RYR2: variants seen among roughly 807,000 people sequenced by gnomAD.
RYR2 encodes the protein ryanodine receptor 2.
A neutral mutation model predicts 601.1 loss-of-function variants in RYR2; 227 were observed. The ratio of observed to expected loss-of-function variants is 0.38; its 90% CI spans 0.34 to 0.42. The LOEUF (loss-of-function observed/expected upper bound fraction) is 0.42. RYR2 is among the 10% of genes least tolerant of loss of function. The pLI, the probability that RYR2 is intolerant of heterozygous loss-of-function variation, is 1.00. For missense variants in RYR2, 4,646 were observed against 6,156.5 expected (o/e 0.75, Z 8.21); for synonymous variants, 2,223 against 2,175.1 (o/e 1.02, Z -0.61).
intron 1 of RYR2, among the ~76,000 whole-genome samples, chr1:237,216,762 AAAAC>A (rs1256108727): frequency 1.3e-5 from 2 of 151,514 alleles, no homozygotes; most frequent in Admixed American, 1.3e-4. Context: ...CAAAAAAAAA[AAAAC>A]AAAAAACAAA....
At position 237,548,541 on chromosome 1, in the gene RYR2, T is replaced by C. The variant is rs903569432; in HGVS notation, c.3017T>C (p.Val1006Ala). ...VDKLAENAHNVWARDRIRQGW... is the reference protein window; with the variant it reads ...VDKLAENAHNAWARDRIRQGW... ...AAGTTGGCAGAAAATGCACATAATG[T>C]GTGGGCGCGGGATCGAATCCGGCAG... Residue 1006 changes from valine (V) to alanine (A), a missense_variant, in exon 26 of 105, where the codon GTG becomes GCG. This residue lies in a region of RYR2 where 1,807 missense variants were observed against 2,088.1 expected (regional missense o/e 0.87). Coordinates refer to ENST00000366574, the MANE Select transcript of RYR2 (RefSeq NM_001035.3). 5 of 1,613,888 alleles carry C rather than the reference T, an allele frequency of 3.1e-6. No homozygotes were observed. Among genetic ancestry groups the C allele is most frequent in the Non-Finnish European group, 4.2e-6 (5 of 1,179,864 alleles).
intron 97 of RYR2, 143 bp from the exon 98 acceptor site, chr1:237,801,713 C>A: frequency 2.0e-6 from 1 of 498,324 alleles, no homozygotes; most frequent in Non-Finnish European, 3.6e-6. Flanking sequence ...TCAGCTCCTC[C>A]CTTGGCATCT....
intron 12 of RYR2, among the ~76,000 whole-genome samples, chr1:237,436,322 CT>C (rs1707344953): frequency 6.6e-6 from 1 of 151,932 alleles, no homozygotes; most frequent in South Asian, 2.1e-4. Flanking sequence ...TGACCTTAAG[CT>C]TTGTGGCTAC....
In RYR2 at chr1:237,784,724, A is replaced by G. The variant is rs1695408864; in HGVS notation, c.13012A>G (p.Thr4338Ala). The G allele has an allele frequency of 6.2e-7, 1 of 1,604,726 alleles. No individual in the cohort carries two copies. The highest frequency in any genetic ancestry group is 1.3e-5 in the African/African-American group (1 of 74,414). Residue 4338 changes from threonine (T) to alanine (A), a missense_variant, in exon 90 of 105, where the codon ACT becomes GCT. Coordinates refer to ENST00000366574, the MANE Select transcript of RYR2 (RefSeq NM_001035.3). This position sits in a 1 kb window ranked among gnomAD's most constrained non-coding sequence, Gnocchi z 7.1. The stretch of plus-strand genomic sequence containing the variant: ...ACTGTTAGCCAACATGCCAGACCCC[A>G]CTCAGGATGAGGTTAGAGGAGATGG... The part of the protein sequence containing the change: ...AELLANMPDP[T>A]QDEVRGDGEE...
chr1:237,830,306 G>A (rs187384981), intron 102 of RYR2: 48 of 431,602 alleles, frequency 1.1e-4, no homozygotes, highest in Admixed American at 5.6e-4. Context: ...CCCTGTCTGC[G>A]TCTGCTACTT....
intron 58 of RYR2, among the ~76,000 whole-genome samples, chr1:237,669,164 T>C (rs3856244): frequency 0.027 from 2,999 of 109,742 alleles, 108 homozygotes; most frequent in Middle Eastern, 0.091. Flanking sequence ...GTGGACACAA[T>C]ACATGTTTCA....
chr1:237,476,740 A>T (rs1436412385), intron 17 of RYR2, among the ~76,000 whole-genome samples: 1 of 152,144 alleles, frequency 6.6e-6, no homozygotes, highest in Non-Finnish European at 1.5e-5. Context: ...GTGTAGCAGG[A>T]AGTTTTCCTC....
chr1:237,444,928 C>T, intron 13 of RYR2, among the ~76,000 whole-genome samples: 1 of 152,290 alleles, frequency 6.6e-6, no homozygotes, highest in African/African-American at 2.4e-5. Flanking sequence ...TGTGCCAGTG[C>T]AACGTTAGCT....
At chr1:237,773,880 A>G (rs1694452609) in intron 87 of RYR2, among the ~76,000 whole-genome samples, 1 of 152,134 alleles carries the variant, frequency 6.6e-6, no homozygotes, top group African/African-American at 2.4e-5. Flanking sequence ...TGTTAGCTCT[A>G]TTGTACCTCC....
intron 58 of RYR2, 43 bp downstream of exon 58, chr1:237,668,001 C>A: frequency 6.8e-7 from 1 of 1,464,348 alleles, no homozygotes; most frequent in South Asian, 1.3e-5. Context: ...AATCTGAGCT[C>A]AATTCCATGA....
chr1:237,493,784 G>A (rs1028473532), intron 19 of RYR2, among the ~76,000 whole-genome samples: 2 of 152,134 alleles, frequency 1.3e-5, no homozygotes, highest in African/African-American at 4.8e-5. Flanking sequence ...CCTGCTATGT[G>A]CAATCAAAAA....
At chr1:237,814,554 AT>A (rs3835531) in intron 100 of RYR2, among the ~76,000 whole-genome samples, 721 of 145,484 alleles carry the variant, frequency 5.0e-3, no homozygotes, top group African/African-American at 8.1e-3. Flanking sequence ...TCACAGGGGG[AT>A]TTTTTTTTTT....
chr1:237,445,321 C>A, intron 13 of RYR2, 80 bp from the exon 14 acceptor site: 1 of 1,559,876 alleles, frequency 6.4e-7, no homozygotes, highest in South Asian at 1.2e-5. Context: ...TATGGCTCAG[C>A]TGTTTGAGTA....
intron 1 of RYR2, among the ~76,000 whole-genome samples, chr1:237,135,832 G>T (rs534779155): frequency 3.9e-5 from 6 of 152,346 alleles, no homozygotes; most frequent in African/African-American, 1.4e-4. Flanking sequence ...TATGCTGAAT[G>T]CAGCCTTTTG....
chr1:237,732,926 C>G (rs1157699799), intron 78 of RYR2, among the ~76,000 whole-genome samples: 1 of 152,192 alleles, frequency 6.6e-6, no homozygotes, highest in Non-Finnish European at 1.5e-5. Flanking sequence ...CCACATGAAT[C>G]TCCTCAGAAG....
At chr1:237,389,023 A>G (rs1448537207) in intron 10 of RYR2, among the ~76,000 whole-genome samples, 1 of 152,148 alleles carries the variant, frequency 6.6e-6, no homozygotes, top group Non-Finnish European at 1.5e-5. Flanking sequence ...ATCTCAGGAA[A>G]AGTCCCTCTG....
intron 35 of RYR2, among the ~76,000 whole-genome samples, chr1:237,602,770 G>A (rs791543): frequency 0.35 from 52,925 of 152,050 alleles, 11,033 homozygotes; most frequent in Admixed American, 0.48. Flanking sequence ...GAAAAGGTTA[G>A]CATCTATTAC....
intron 80 of RYR2, among the ~76,000 whole-genome samples, chr1:237,750,329 A>G (rs1378850142): frequency 6.6e-6 from 1 of 152,012 alleles, no homozygotes; most frequent in South Asian, 2.1e-4. Flanking sequence ...AACCCATGCC[A>G]TGGAGTCTTG....
At chr1:237,212,861 G>A (rs1407784270) in intron 1 of RYR2, among the ~76,000 whole-genome samples, 1 of 151,100 alleles carries the variant, frequency 6.6e-6, no homozygotes, top group Non-Finnish European at 1.5e-5. Context: ...TGCAACCTCC[G>A]CCTCCCAGGT....
Sources: gnomAD v4.1 joint callset for allele counts (sites outside exome capture counted in the v4.1 genomes callset) on GRCh38, gnomAD v4.1.1 for gene constraint, gnomAD v4.1.1 regional missense constraint, Gnocchi (gnomAD v3.1) non-coding constraint, MANE v1.5 for transcripts, NCBI Gene and HGNC (gene_info 2026-07-23, HGNC 2026-07-21) for gene names.